The following EYS variants were observed in gnomAD, a reference collection of about 807,000 sequenced individuals.
The protein encoded by EYS is EGF-like photoreceptor maintenance factor.
EYS carries 250 observed loss-of-function variants against 282.1 expected under a neutral mutation model. The ratio of observed to expected loss-of-function variants is 0.89; its 90% CI spans 0.80 to 0.98. The LOEUF (loss-of-function observed/expected upper bound fraction) is 0.98, where lower values mean the gene tolerates loss of function less well. Ranked by LOEUF, EYS falls within the 50% of genes least tolerant of loss-of-function variation. The pLI is 0.00. For missense variants in EYS, 4,016 were observed against 3,709.0 expected, an observed-to-expected ratio of 1.08 and a Z score of -2.15; for synonymous variants, 1,355 against 1,282.9, an observed-to-expected ratio of 1.06 and a Z score of -1.20.
chr6:63,817,968 T>G (rs1161409674), intron 36 of EYS, among the ~76,000 whole-genome samples: 1 of 152,188 alleles, frequency 6.6e-6, no homozygotes, highest in African/African-American at 2.4e-5. Flanking sequence ...TGTGTGTGCA[T>G]GTGTGCCTGT....
intron 30 of EYS, among the ~76,000 whole-genome samples, chr6:64,293,832 G>C (rs1768802679): frequency 6.6e-6 from 1 of 152,058 alleles, no homozygotes; most frequent in South Asian, 2.1e-4. Flanking sequence ...GCTATTCAGA[G>C]AGTCATTAGA....
At chr6:64,246,310 C>G (rs890045563) in intron 30 of EYS, among the ~76,000 whole-genome samples, 2 of 151,002 alleles carry the variant, frequency 1.3e-5, no homozygotes, top group Non-Finnish European at 2.9e-5. Context: ...TTATATATGT[C>G]TTATAGCTGG....
At position 65,495,401 on chromosome 6, in the gene EYS, T is replaced by C. The variant is rs1766221897; in HGVS notation, c.10A>G (p.Lys4Glu). Residue 4 changes from lysine (K) to glutamate (E), a missense_variant, in exon 4 of 43, where the codon AAA becomes GAA. Transcript: ENST00000503581. Reference protein sequence around the residue: MTDKSIVILSLMVF... With the variant: MTDESIVILSLMVF... ...ATCAGGCTCAGAATGACGATTGATT[T>C]GTCAGTCATTTTCGGGTAGCTGTAT... The C allele has an allele frequency of 1.9e-6, 3 of 1,610,532 alleles. No individual in the cohort carries two copies. In the East Asian group the frequency reaches 6.7e-5, roughly 36 times the overall value.
At chr6:64,672,327 T>G (rs142874017) in intron 22 of EYS, among the ~76,000 whole-genome samples, 1 of 152,294 alleles carries the variant, frequency 6.6e-6, no homozygotes. Context: ...AGACCTTTGT[T>G]TAGATACAAG....
intron 24 of EYS, among the ~76,000 whole-genome samples, chr6:64,598,780 A>G (rs1766668027): frequency 6.6e-6 from 1 of 152,208 alleles, no homozygotes; most frequent in Non-Finnish European, 1.5e-5. Context: ...GTATTTTAGG[A>G]AAGAAATTTG....
At chr6:64,871,841 G>T (rs1261051652) in intron 19 of EYS, among the ~76,000 whole-genome samples, 1 of 151,952 alleles carries the variant, frequency 6.6e-6, no homozygotes, top group Non-Finnish European at 1.5e-5. Context: ...ATGTTTAAAG[G>T]TTAACAGGGT....
intron 2 of EYS, among the ~76,000 whole-genome samples, chr6:65,619,401 C>T (rs370865852): frequency 6.6e-6 from 1 of 152,096 alleles, no homozygotes; most frequent in South Asian, 2.1e-4. Flanking sequence ...GTACATTGAT[C>T]TTGTATCCTG....
At position 63,780,703 on chromosome 6, in the gene EYS, G is replaced by T. The variant is rs191881150; in HGVS notation, c.7724-2523C>A. Among the ~76,000 whole-genome samples, 847 of 152,228 alleles carry T rather than the reference G, an allele frequency of 5.6e-3. 6 individuals carry two copies. The highest frequency in any genetic ancestry group is 0.019 in the African/African-American group (787 of 41,538). ...TTTTCTCCCATTCTGTAGGTTGCCT[G>T]TTCACTCTGATGGTAGTTTCTTTTG... On this transcript the variant is annotated intron_variant, in intron 39 of 42. Transcript: ENST00000503581.
At chr6:64,931,803 G>A (rs932367798) in intron 15 of EYS, among the ~76,000 whole-genome samples, 1 of 152,046 alleles carries the variant, frequency 6.6e-6, no homozygotes, top group Non-Finnish European at 1.5e-5. Flanking sequence ...CAAATGTAAT[G>A]TAAACTTACT....
chr6:64,356,009 T>C lies in EYS; in HGVS notation c.6078+32681A>G, dbSNP rs1013366286. ...CTCCTGACCACATGCCAATAAGTTT[T>C]CCCTTTCTGCAAAAGCAGTAACAGA... On this transcript the variant is annotated intron_variant, in intron 29 of 42. Coordinates refer to ENST00000503581, the MANE Select transcript of EYS (RefSeq NM_001142800.2). Among the ~76,000 whole-genome samples the C allele has an allele frequency of 4.6e-5, 7 of 151,622 alleles. No homozygotes were observed. In the East Asian group the frequency reaches 1.4e-3, roughly 30 times the overall value.
At chr6:65,336,424 G>T (rs1769991671) in intron 10 of EYS, among the ~76,000 whole-genome samples, 1 of 151,616 alleles carries the variant, frequency 6.6e-6, no homozygotes, top group African/African-American at 2.4e-5. Flanking sequence ...AATTGTGACA[G>T]AAATATATAT....
chr6:64,557,700 A>C (rs559083835), intron 26 of EYS, among the ~76,000 whole-genome samples: 1 of 152,094 alleles, frequency 6.6e-6, no homozygotes, highest in African/African-American at 2.4e-5. Context: ...TAAATTATAT[A>C]AATTTGACAT....
chr6:64,721,907 C>A (rs1226709238), intron 22 of EYS, among the ~76,000 whole-genome samples: 2 of 152,246 alleles, frequency 1.3e-5, no homozygotes, highest in Admixed American at 1.3e-4. Context: ...AAACTGATTT[C>A]ATGAAGATGA....
intron 22 of EYS, among the ~76,000 whole-genome samples, chr6:64,710,343 A>G (rs1223327517): frequency 6.6e-6 from 1 of 152,198 alleles, no homozygotes; most frequent in Non-Finnish European, 1.5e-5. Context: ...TTCCTCTTCT[A>G]CCACATCTCA....
chr6:65,688,240 G>C (rs1769104410), intron 1 of EYS, among the ~76,000 whole-genome samples: 1 of 152,070 alleles, frequency 6.6e-6, no homozygotes, highest in Non-Finnish European at 1.5e-5. Context: ...CAGAGATATA[G>C]ACTAATGGAA....
At chr6:64,560,028 C>A (rs1199576633) in intron 26 of EYS, among the ~76,000 whole-genome samples, 1 of 152,028 alleles carries the variant, frequency 6.6e-6, no homozygotes, top group Non-Finnish European at 1.5e-5. Context: ...CATAATCTAT[C>A]CTTTTACTTC....
chr6:65,705,459 C>A (rs1769841302), intron 1 of EYS, among the ~76,000 whole-genome samples: 1 of 152,082 alleles, frequency 6.6e-6, no homozygotes, highest in South Asian at 2.1e-4. Context: ...GAAAGTGGAA[C>A]CAAGTAAGTC....
intron 12 of EYS, among the ~76,000 whole-genome samples, chr6:65,162,803 C>A (rs1245133504): frequency 6.6e-6 from 1 of 150,782 alleles, no homozygotes; most frequent in Non-Finnish European, 1.5e-5. Context: ...GAGGACAAGC[C>A]AGGACTTGAA....
At chr6:64,409,035 G>A (rs906449798) in intron 28 of EYS, among the ~76,000 whole-genome samples, 65 of 152,144 alleles carry the variant, frequency 4.3e-4, no homozygotes, top group African/African-American at 1.5e-3. Context: ...TTATAAGTGA[G>A]AACATGTTGT....
Sources: gnomAD v4.1 joint callset for allele counts (sites outside exome capture counted in the v4.1 genomes callset) on GRCh38, gnomAD v4.1.1 for gene constraint, MANE v1.5 for transcripts, NCBI Gene and HGNC (gene_info 2026-07-23, HGNC 2026-07-21) for gene names.